The following PDE5A variants were observed in gnomAD, a reference collection of about 807,000 sequenced individuals.
PDE5A encodes the protein cGMP-specific 3',5'-cyclic phosphodiesterase.
In PDE5A, 67 loss-of-function variants were observed where a neutral mutation model predicts 110.2. That is an observed-to-expected ratio of 0.61 (90% CI 0.50 to 0.75). The LOEUF (loss-of-function observed/expected upper bound fraction) is 0.75, where lower values mean the gene tolerates loss of function less well. PDE5A is among the 30% of genes least tolerant of loss of function. The pLI is 0.00. For missense variants in PDE5A, 862 were observed against 1,045.1 expected (o/e 0.82, Z 2.42); for synonymous variants, 328 against 351.2 (o/e 0.93, Z 0.74).
intron 3 of PDE5A, among the ~76,000 whole-genome samples, chr4:119,592,088 T>G (rs1728987777): frequency 7.3e-6 from 1 of 137,688 alleles, no homozygotes. Context: ...AGGCAGAGGT[T>G]GCAGTGGGCC....
intron 14 of PDE5A, among the ~76,000 whole-genome samples, chr4:119,518,241 G>A (rs1725986795): frequency 6.6e-6 from 1 of 152,178 alleles, no homozygotes. Flanking sequence ...TCAGTAGTAA[G>A]AGATCTTGCA....
At chr4:119,547,113 T>TG (rs1263781693) in intron 9 of PDE5A, among the ~76,000 whole-genome samples, 2 of 150,660 alleles carry the variant, frequency 1.3e-5, no homozygotes, top group Non-Finnish European at 3.0e-5. Context: ...ATAGTTTTTT[T>TG]TTTTTTTTTT....
At chr4:119,571,516 G>C (rs1441688703) in intron 3 of PDE5A, among the ~76,000 whole-genome samples, 1 of 152,120 alleles carries the variant, frequency 6.6e-6, no homozygotes, top group Non-Finnish European at 1.5e-5. Context: ...GCCTATGGAG[G>C]CTAGAAGGGC....
intron 3 of PDE5A, among the ~76,000 whole-genome samples, chr4:119,574,356 G>T (rs142978114): frequency 0.01 from 874 of 86,560 alleles, 8 homozygotes; most frequent in African/African-American, 0.03. Context: ...GCTAATTTTT[G>T]TATTTTTAGT....
At chr4:119,545,869 C>A (rs1048435698) in intron 9 of PDE5A, among the ~76,000 whole-genome samples, 1 of 152,094 alleles carries the variant, frequency 6.6e-6, no homozygotes, top group Admixed American at 6.5e-5. Flanking sequence ...GTAAAACGAA[C>A]CTTTATCACC....
chr4:119,569,158 A>C (rs564938091), intron 3 of PDE5A, among the ~76,000 whole-genome samples: 1 of 151,752 alleles, frequency 6.6e-6, no homozygotes, highest in South Asian at 2.1e-4. Flanking sequence ...CTCAGCTTCC[A>C]AGCAGCTGGG....
rs1004012267 is a variant in PDE5A at position 119,627,025 on chromosome 4, TAC to T, written c.152+1493_152+1494del. 1.9e-6 allele frequency: 2 copies of T among 1,059,834 alleles called. No individual in the cohort carries two copies. The highest frequency in any genetic ancestry group is 2.1e-5 in the Admixed American group (1 of 47,482). 65.7% of individuals were successfully genotyped at this position (1,059,834 alleles called of 1,614,324 possible). Reference sequence around the variant, plus strand: ...AGAATAACAACAACAACAAAAGTTATACAGTCAATTTTCAATGATACATCGTC... The same window carrying T: ...AGAATAACAACAACAACAAAAGTTATAGTCAATTTTCAATGATACATCGTC... On this transcript the variant is annotated intron_variant, in intron 1 of 20. Coordinates refer to ENST00000354960, the MANE Select transcript of PDE5A (RefSeq NM_001083.4). The surrounding 1 kb of genome is among the most constrained non-coding windows in gnomAD (Gnocchi z 4.6).
At chr4:119,543,836 T>C (rs1277261736) in intron 9 of PDE5A, 1 of 152,252 alleles carries the variant, frequency 6.6e-6, no homozygotes, top group East Asian at 1.9e-4. Flanking sequence ...AGGAGGCCTC[T>C]AACTTACAGG....
Position 119,507,719 on chromosome 4 carries a change from A to G in PDE5A, c.2089-15T>C. On this transcript the variant is annotated splice_polypyrimidine_tract_variant and intron_variant, in intron 15 of 20. Coordinates refer to ENST00000354960, the MANE Select transcript of PDE5A (RefSeq NM_001083.4). Reference sequence around the variant, plus strand: ...ATCTGATTGCCCTTTATAAAAAAAGAAAACCAGTATTAACATCCTGGAGAA... The same window carrying G: ...ATCTGATTGCCCTTTATAAAAAAAGGAAACCAGTATTAACATCCTGGAGAA... 1.3e-6 allele frequency: 2 copies of G among 1,529,118 alleles called. No homozygotes were observed. The highest frequency in any genetic ancestry group is 1.8e-6 in the Non-Finnish European group (2 of 1,123,108). 94.7% of individuals were successfully genotyped at this position (1,529,118 alleles called of 1,614,324 possible). A position where few individuals can be genotyped will look rare whatever the true frequency, so the allele number is the denominator to read the frequency against.
At chr4:119,544,438 T>C (rs1727061279) in intron 9 of PDE5A, among the ~76,000 whole-genome samples, 1 of 152,164 alleles carries the variant, frequency 6.6e-6, no homozygotes, top group South Asian at 2.1e-4. Context: ...ATCCTGTGTG[T>C]GGCAAAAAAC....
Position 119,627,198 on chromosome 4 carries a change from T to A in PDE5A, c.152+1322A>T. 6.2e-7 allele frequency: 1 copy of A among 1,612,572 alleles called. No individual in the cohort carries two copies. Among genetic ancestry groups the A allele is most frequent in the Non-Finnish European group, 8.5e-7 (1 of 1,179,214 alleles). On this transcript the variant is annotated intron_variant, in intron 1 of 20. Transcript: ENST00000354960. The surrounding 1 kb of genome is among the most constrained non-coding windows in gnomAD (Gnocchi z 4.6). ...CATAGCAAACGTGGGAAGTTCGTTT[T>A]CGAACTCCGCCGATCCTGGACTCCA...
At chr4:119,589,474 C>CAA (rs149554809) in intron 3 of PDE5A, among the ~76,000 whole-genome samples, 19 of 152,022 alleles carry the variant, frequency 1.2e-4, no homozygotes, top group East Asian at 1.9e-4. Context: ...CTTTACTAAA[C>CAA]AAAAAAAGAA....
intron 16 of PDE5A, among the ~76,000 whole-genome samples, chr4:119,506,330 ATATC>A (rs1479802198): frequency 6.6e-6 from 1 of 151,860 alleles, no homozygotes; most frequent in Non-Finnish European, 1.5e-5. Context: ...GGGGATAAAA[ATATC>A]TAAAGTTGTG....
chr4:119,628,418 C>A, intron 1 of PDE5A, 102 bp downstream of exon 1: 1 of 945,104 alleles, frequency 1.1e-6, no homozygotes, highest in Middle Eastern at 3.4e-4. Context: ...GGACCGAGGA[C>A]CTACTTCAAA....
At chr4:119,521,366 G>A (rs1260470960) in intron 12 of PDE5A, among the ~76,000 whole-genome samples, 1 of 151,464 alleles carries the variant, frequency 6.6e-6, no homozygotes, top group African/African-American at 2.4e-5. Flanking sequence ...TAGGGCACTG[G>A]GTAGGTTTTT....
intron 1 of PDE5A, among the ~76,000 whole-genome samples, chr4:119,607,782 A>G (rs1415720625): frequency 6.6e-6 from 1 of 152,130 alleles, no homozygotes; most frequent in Non-Finnish European, 1.5e-5. Context: ...ACAATAGAGG[A>G]CAATTGCTTT....
At chr4:119,603,431 G>T (rs1446279740) in intron 2 of PDE5A, among the ~76,000 whole-genome samples, 1 of 152,002 alleles carries the variant, frequency 6.6e-6, no homozygotes, top group Non-Finnish European at 1.5e-5. Flanking sequence ...CACATTGAAG[G>T]TAGTTGCATG....
In PDE5A at chr4:119,606,727, G is replaced by A. The variant is rs199850375; in HGVS notation, c.723C>T (p.Asn241=). 66 of 1,613,522 alleles carry A rather than the reference G, an allele frequency of 4.1e-5. 1 individual carries two copies. In the South Asian group the frequency reaches 7.0e-4, roughly 17 times the overall value. The change falls in exon 2 of 21, where the codon AAC becomes AAT. Residue 241 remains asparagine (N), a synonymous_variant. Transcript: ENST00000354960. ...GHVAALGEPL[N]IKDAYEDPRF... ...TGTTTACCTCATATGCATCTTTGAT[G>A]TTCAAGGGCTCACCAAGCGCTGCCA...
chr4:119,498,512 C>A lies in PDE5A; in HGVS notation c.*89G>T. On this transcript the variant is annotated 3_prime_UTR_variant, in exon 21 of 21. Transcript: ENST00000354960. ...GCAGTGGCAAAGTATATACCAAATA[C>A]AGACACTATACAGACAGTGTGTAAG... The A allele has an allele frequency of 7.1e-7, 1 of 1,412,044 alleles. No homozygotes were observed. 87.5% of individuals were successfully genotyped at this position (1,412,044 alleles called of 1,614,324 possible).
Sources: allele counts gnomAD v4.1 joint callset (sites outside exome capture counted in the v4.1 genomes callset), GRCh38; gene constraint gnomAD v4.1.1; non-coding constraint Gnocchi (gnomAD v3.1); transcripts MANE v1.5; gene names NCBI Gene and HGNC (gene_info 2026-07-23, HGNC 2026-07-21).